Variants in ESRRG observed in about 807,000 individuals in gnomAD.
ESRRG encodes the protein estrogen related receptor gamma.
ESRRG carries 13 observed loss-of-function variants against 44.0 expected under a neutral mutation model. The ratio of observed to expected loss-of-function variants is 0.30; its 90% CI spans 0.19 to 0.47. The LOEUF (loss-of-function observed/expected upper bound fraction) is 0.47, where lower values mean the gene tolerates loss of function less well. ESRRG is among the 20% of genes least tolerant of loss of function. ESRRG has a pLI of 1.00. For missense variants in ESRRG, 395 were observed against 580.6 expected (o/e 0.68, Z 3.29); for synonymous variants, 215 against 214.6 (o/e 1.00, Z -0.02).
At chr1:216,799,102 T>C (rs1037570488) in intron 2 of ESRRG, among the ~76,000 whole-genome samples, 7 of 152,126 alleles carry the variant, frequency 4.6e-5, no homozygotes, top group African/African-American at 1.7e-4. Flanking sequence ...TATGCTCTGA[T>C]GTATGCTGTC....
At chr1:216,673,211 A>T (rs2075518406) in intron 2 of ESRRG, among the ~76,000 whole-genome samples, 1 of 152,232 alleles carries the variant, frequency 6.6e-6, no homozygotes, top group South Asian at 2.1e-4. Context: ...GGCCACACTC[A>T]ACATCTTTGG....
intron 3 of ESRRG, among the ~76,000 whole-genome samples, chr1:216,606,911 G>A (rs2060004896): frequency 6.6e-6 from 1 of 152,286 alleles, no homozygotes; most frequent in East Asian, 1.9e-4. Flanking sequence ...CACCACTGTT[G>A]AGGGGTGGAA....
chr1:216,681,809 T>C (rs1168191542), intron 1 of ESRRG: 1 of 152,112 alleles, frequency 6.6e-6, no homozygotes, highest in African/African-American at 2.4e-5. Context: ...AAGTTGCTGC[T>C]GTGGGGGAGA....
chr1:216,651,222 G>A (rs2068857270), intron 2 of ESRRG, 133 bp from the exon 3 acceptor site: 1 of 659,196 alleles, frequency 1.5e-6, no homozygotes, highest in African/African-American at 1.8e-5. Flanking sequence ...CAAGAGAAAT[G>A]TCATAAATAT....
chr1:216,954,618 T>A (rs995896375), intron 1 of ESRRG, among the ~76,000 whole-genome samples: 1 of 152,178 alleles, frequency 6.6e-6, no homozygotes, highest in African/African-American at 2.4e-5. Flanking sequence ...CCTTGAGCAT[T>A]CCACCAGTTG....
intron 3 of ESRRG, among the ~76,000 whole-genome samples, chr1:216,647,470 C>T (rs1238103823): frequency 7.3e-6 from 1 of 136,624 alleles, no homozygotes; most frequent in Non-Finnish European, 1.6e-5. Flanking sequence ...AACACATTTT[C>T]CTTTTCTTCA....
At chr1:216,923,122 C>T (rs948616851) in intron 2 of ESRRG, among the ~76,000 whole-genome samples, 1 of 152,186 alleles carries the variant, frequency 6.6e-6, no homozygotes, top group African/African-American at 2.4e-5. Flanking sequence ...ATTTTGGCTA[C>T]AGTGGCTTGC....
rs558649299 is a variant in ESRRG at position 216,675,376 on chromosome 1, A to G, written c.472+1700T>C. On this transcript the variant is annotated intron_variant, in intron 2 of 6. Coordinates refer to ENST00000408911, the MANE Select transcript of ESRRG (RefSeq NM_001438.4). The stretch of plus-strand genomic sequence containing the variant: ...AATCTGCCTCAAAAAGAAAAAAAAA[A>G]GGGGGAGAAGGTGGGAGACTGCTCT... Among the ~76,000 whole-genome samples, 844 of 152,114 alleles carry G rather than the reference A, an allele frequency of 5.5e-3. 3 individuals carry two copies. The highest frequency in any genetic ancestry group is 0.013 in the African/African-American group (521 of 41,486).
chr1:216,740,729 A>G (rs2090573540), intron 2 of ESRRG, among the ~76,000 whole-genome samples: 1 of 151,998 alleles, frequency 6.6e-6, no homozygotes, highest in Non-Finnish European at 1.5e-5. Flanking sequence ...TTTCTATATC[A>G]CCGACAGAGG....
At chr1:216,754,492 A>T (rs1032260456) in intron 2 of ESRRG, among the ~76,000 whole-genome samples, 1 of 151,888 alleles carries the variant, frequency 6.6e-6, no homozygotes, top group Admixed American at 6.6e-5. Flanking sequence ...TTCCTTCTGT[A>T]CCCTTAGTTC....
At chr1:216,594,031 T>G (rs892201443) in intron 3 of ESRRG, among the ~76,000 whole-genome samples, 1 of 152,138 alleles carries the variant, frequency 6.6e-6, no homozygotes, top group African/African-American at 2.4e-5. Context: ...ATTTTAATAG[T>G]ATGAATTCTG....
chr1:216,594,669 G>A lies in ESRRG; in HGVS notation c.590-26571C>T, dbSNP rs1263428974. Among the ~76,000 whole-genome samples the A allele has an allele frequency of 2.0e-5, 3 of 152,178 alleles. No homozygotes were observed. In the South Asian group the frequency reaches 6.2e-4, roughly 31 times the overall value. On this transcript the variant is annotated intron_variant, in intron 3 of 6. Transcript: ENST00000408911. ...CACAGCTCTATCGTTTTCTTGCTAT[G>A]TGACCTTTGCATACATAGTTCATTA...
At chr1:216,844,619 C>T (rs1286076117) in intron 2 of ESRRG, among the ~76,000 whole-genome samples, 1 of 152,144 alleles carries the variant, frequency 6.6e-6, no homozygotes, top group African/African-American at 2.4e-5. Flanking sequence ...TGAGACTTCA[C>T]CCTCACTCCT....
chr1:216,996,795 AG>A lies in ESRRG; in HGVS notation c.-105-57123del, dbSNP rs565498707. Among the ~76,000 whole-genome samples, 6 of 152,326 alleles carry A rather than the reference AG, an allele frequency of 3.9e-5. No individual in the cohort carries two copies. The South Asian group carries it at 1.2e-3, about 32-fold the overall frequency. On this transcript the variant is annotated intron_variant, in intron 1 of 7. Transcript: ENST00000359162. ...CAGCCAATATTCACTAAACACTCTC[AG>A]TGGGCCAGCAGACACTACATTAGGT...
intron 2 of ESRRG, among the ~76,000 whole-genome samples, chr1:216,789,430 T>G (rs1342075688): frequency 2.0e-5 from 3 of 152,128 alleles, no homozygotes; most frequent in Non-Finnish European, 4.4e-5. Flanking sequence ...GGCATGGATG[T>G]TACCTTTTTG....
At chr1:216,616,089 G>A (rs2150383654) in intron 3 of ESRRG, among the ~76,000 whole-genome samples, 1 of 152,258 alleles carries the variant, frequency 6.6e-6, no homozygotes, top group South Asian at 2.1e-4. Context: ...CCCCATATAA[G>A]AAGGCTCCAG....
chr1:217,097,908 C>T (rs189479224), intron 1 of ESRRG, among the ~76,000 whole-genome samples: 147 of 151,482 alleles, frequency 9.7e-4, no homozygotes, highest in Admixed American at 7.2e-3. Flanking sequence ...AACTTTGCCA[C>T]ACATTGGAAT....
chr1:217,123,947 A>G (rs528119329), intron 1 of ESRRG, among the ~76,000 whole-genome samples: 4 of 152,246 alleles, frequency 2.6e-5, no homozygotes, highest in Non-Finnish European at 5.9e-5. Flanking sequence ...TACCCATTTT[A>G]AAAGACTAGT....
upstream of ESRRG, among the ~76,000 whole-genome samples, chr1:217,091,780 G>T (rs2092349178): frequency 6.6e-6 from 1 of 152,172 alleles, no homozygotes; most frequent in Admixed American, 6.5e-5. Flanking sequence ...CTCAAGGAGG[G>T]ATTACTATAG....
Sources: allele counts gnomAD v4.1 joint callset (sites outside exome capture counted in the v4.1 genomes callset), GRCh38; gene constraint gnomAD v4.1.1; transcripts MANE v1.5; gene names NCBI Gene and HGNC (gene_info 2026-07-23, HGNC 2026-07-21).